The following BIRC6 variants were observed in gnomAD, a reference collection of about 807,000 sequenced individuals.
BIRC6 encodes the protein dual E2 ubiquitin-conjugating enzyme/E3 ubiquitin-protein ligase BIRC6.
In BIRC6, 98 loss-of-function variants were observed where a neutral mutation model predicts 503.3. The observed-to-expected ratio is 0.19, with a 90% CI of 0.17 to 0.23. The LOEUF (loss-of-function observed/expected upper bound fraction) is 0.23. Among genes scored for constraint, BIRC6 ranks in the 10% least tolerant of loss-of-function variants. The pLI is 1.00. For missense variants in BIRC6, 5,360 were observed against 5,806.0 expected, an observed-to-expected ratio of 0.92 and a Z score of 2.50; for synonymous variants, 2,240 against 2,078.7, an observed-to-expected ratio of 1.08 and a Z score of -2.11.
At chr2:32,531,882 G>A (rs1386713213) in intron 61 of BIRC6, among the ~76,000 whole-genome samples, 1 of 152,174 alleles carries the variant, frequency 6.6e-6, no homozygotes, top group African/African-American at 2.4e-5. Flanking sequence ...AATAGGAGAA[G>A]TAAAATAGCA....
chr2:32,510,069 C>T (rs1281432413), intron 52 of BIRC6, 75 bp downstream of exon 52: 2 of 1,488,382 alleles, frequency 1.3e-6, no homozygotes, highest in Admixed American at 4.4e-5. Flanking sequence ...GATCTTCGTG[C>T]TTAACTCTGT....
intron 44 of BIRC6, 87 bp downstream of exon 44, chr2:32,491,645 AAG>A: frequency 7.3e-7 from 1 of 1,374,586 alleles, no homozygotes; most frequent in South Asian, 1.5e-5. Context: ...TTTATTGCTA[AAG>A]TATTAAATAA....
At chr2:32,412,624 ATG>A (rs2042010160) in intron 9 of BIRC6, among the ~76,000 whole-genome samples, 1 of 152,304 alleles carries the variant, frequency 6.6e-6, no homozygotes, top group East Asian at 1.9e-4. Context: ...TCACATAAAG[ATG>A]ATACAGTTTT....
intron 72 of BIRC6, 144 bp from the exon 73 acceptor site, chr2:32,611,304 T>C: frequency 2.6e-6 from 1 of 379,230 alleles, no homozygotes; most frequent in East Asian, 7.0e-5. Context: ...TATAATAATA[T>C]TCTAAATATT....
chr2:32,608,539 C>T (rs945530064), intron 72 of BIRC6, among the ~76,000 whole-genome samples: 2 of 152,022 alleles, frequency 1.3e-5, no homozygotes, highest in Admixed American at 6.5e-5. Flanking sequence ...CTCAGCCTCC[C>T]AAGTAGCTGG....
At position 32,463,298 on chromosome 2, in the gene BIRC6, C is replaced by G. The variant is rs2148863754; in HGVS notation, c.4858C>G (p.Leu1620Val). The G allele has an allele frequency of 2.5e-6, 4 of 1,613,906 alleles. No homozygotes were observed. Among genetic ancestry groups the G allele is most frequent in the Middle Eastern group, 3.3e-4 (2 of 6,062 alleles). ...SSAAQVALQS[L>V]SHAMASAEQQ... The stretch of plus-strand genomic sequence containing the variant: ...AGCAGCCCAGGTAGCTTTGCAGTCT[C>G]TCTCTCATGCAATGGCTTCAGCCGA... Residue 1620 changes from leucine (L) to valine (V), a missense_variant, in exon 24 of 74, where the codon CTC becomes GTC. Physicochemically the swap from Leu to Val is conservative, Grantham distance 32. Around this residue, in one of 16 missense-constraint regions of BIRC6, gnomAD observed 2,299 missense variants for 2,267.2 expected, o/e 1.01. Transcript: ENST00000421745.
At chr2:32,555,925 A>G (rs903583885) in intron 65 of BIRC6, among the ~76,000 whole-genome samples, 2 of 151,966 alleles carry the variant, frequency 1.3e-5, no homozygotes, top group African/African-American at 4.8e-5. Flanking sequence ...AAAAAAAAAA[A>G]AAAAAAAAGG....
intron 1 of BIRC6, among the ~76,000 whole-genome samples, chr2:32,372,296 C>T (rs773780601): frequency 1.3e-5 from 2 of 152,130 alleles, no homozygotes; most frequent in East Asian, 3.8e-4. Context: ...TTTGTAGTCA[C>T]ATCTTCCCTT....
chr2:32,450,973 A>G (rs894385210), intron 22 of BIRC6, among the ~76,000 whole-genome samples: 21 of 152,160 alleles, frequency 1.4e-4, no homozygotes, highest in Non-Finnish European at 2.4e-4. Context: ...GGTTGAATCC[A>G]TGGATGCCAA....
chr2:32,420,335 G>A (rs1381523735), intron 10 of BIRC6, among the ~76,000 whole-genome samples: 1 of 151,856 alleles, frequency 6.6e-6, no homozygotes, highest in African/African-American at 2.4e-5. Context: ...AGCTCTTTGG[G>A]CCCAGAGATT....
chr2:32,396,192 G>A (rs997991804), intron 6 of BIRC6, among the ~76,000 whole-genome samples: 1 of 152,112 alleles, frequency 6.6e-6, no homozygotes, highest in Non-Finnish European at 1.5e-5. Context: ...TAATTCTCAT[G>A]TTTCCCTGTG....
chr2:32,361,902 G>T (rs1319701598), intron 1 of BIRC6, among the ~76,000 whole-genome samples: 1 of 152,032 alleles, frequency 6.6e-6, no homozygotes, highest in Non-Finnish European at 1.5e-5. Flanking sequence ...ATATTCCATT[G>T]TCTGGATGTA....
rs1269751636 is a variant in BIRC6, at chr2:32,488,740, T to G, written c.8095+26T>G. On this transcript the variant is annotated intron_variant, in intron 42 of 73. Transcript: ENST00000421745. ...GTAAGATTTATTAGGAGAAAAACATTATAGTCTAAATAGCAAGCTTAAAAC... is the reference window on the plus strand; with the variant it reads ...GTAAGATTTATTAGGAGAAAAACATGATAGTCTAAATAGCAAGCTTAAAAC... 17 of 1,333,816 alleles carry G rather than the reference T, an allele frequency of 1.3e-5. No homozygotes were observed. The East Asian group carries it at 4.1e-4, about 32-fold the overall frequency. The allele number at this position is 1,333,816 out of a possible 1,614,324, so 82.6% of individuals were successfully genotyped here.
In BIRC6 at chr2:32,599,815, A is replaced by T; in HGVS notation, c.13907A>T (p.Tyr4636Phe). 6.2e-7 allele frequency: 1 copy of T among 1,613,868 alleles called. No homozygotes were observed. Among genetic ancestry groups the T allele is most frequent in the East Asian group, 2.2e-5 (1 of 44,864 alleles). The change falls in exon 70 of 74, where the codon TAT (tyrosine) becomes TTT (phenylalanine). Residue 4636 changes from tyrosine to phenylalanine, a missense_variant. Physicochemically the swap from Tyr to Phe is conservative, Grantham distance 22. Around this residue, in one of 16 missense-constraint regions of BIRC6, gnomAD observed 66 missense variants for 113.2 expected, o/e 0.58. Transcript: ENST00000421745. ...TTTGATGTGTATTTTCCTCAAGATT[A>T]TCCCAGTTCACCCCCTCTTGTGAAT... Reference protein sequence around the residue: ...FEFDVYFPQDYPSSPPLVNLE... With the variant: ...FEFDVYFPQDFPSSPPLVNLE...
intron 44 of BIRC6, among the ~76,000 whole-genome samples, chr2:32,493,058 A>G (rs927106315): frequency 7.1e-6 from 1 of 140,650 alleles, no homozygotes; most frequent in South Asian, 2.3e-4. Flanking sequence ...ATTTATTTTT[A>G]TTTAGTTTTT....
intron 8 of BIRC6, among the ~76,000 whole-genome samples, chr2:32,405,526 G>A (rs1245991735): frequency 1.3e-5 from 2 of 152,092 alleles, no homozygotes; most frequent in Admixed American, 6.5e-5. Context: ...AACATCGTAG[G>A]CCAGGTGCGG....
chr2:32,530,819 A>G (rs1259213690), intron 60 of BIRC6, among the ~76,000 whole-genome samples: 1 of 152,148 alleles, frequency 6.6e-6, no homozygotes, highest in Non-Finnish European at 1.5e-5. Flanking sequence ...TTTAATGTTT[A>G]AAGGGTCTGG....
chr2:32,524,912 T>C lies in BIRC6; in HGVS notation c.11648T>C (p.Leu3883Ser), dbSNP rs1432308219. Residue 3883 changes from leucine (L) to serine (S), a missense_variant, in exon 58 of 74, where the codon TTA (leucine) becomes TCA (serine). Physicochemically the swap from Leu to Ser is moderately radical, Grantham distance 145. This residue lies in a region of BIRC6 where 878 missense variants were observed against 928.9 expected (regional missense o/e 0.95). Coordinates refer to ENST00000421745, the MANE Select transcript of BIRC6 (RefSeq NM_016252.4). ...GATACTCCAAGTATCACAGCTAAAT[T>C]AATTAGTGAACAAAAAGATGACAAA... ...VSDTPSITAKLISEQKDDKEK... is the reference protein window; with the variant it reads ...VSDTPSITAKSISEQKDDKEK... 5 of 1,503,900 alleles carry C rather than the reference T, an allele frequency of 3.3e-6. No individual in the cohort carries two copies. The highest frequency in any genetic ancestry group is 3.6e-6 in the Non-Finnish European group (4 of 1,119,542). The allele number at this position is 1,503,900 out of a possible 1,614,324, so 93.2% of individuals were successfully genotyped here.
intron 1 of BIRC6, among the ~76,000 whole-genome samples, chr2:32,376,841 A>C (rs1468108901): frequency 1.3e-5 from 2 of 152,226 alleles, no homozygotes; most frequent in Non-Finnish European, 2.9e-5. Context: ...AGTTATGTGA[A>C]TGTGGTCTCT....
Sources: gnomAD v4.1 joint callset for allele counts (sites outside exome capture counted in the v4.1 genomes callset) on GRCh38, gnomAD v4.1.1 for gene constraint, gnomAD v4.1.1 regional missense constraint, MANE v1.5 for transcripts, NCBI Gene and HGNC (gene_info 2026-07-23, HGNC 2026-07-21) for gene names.